The following PDXDC1 variants were observed in gnomAD, a reference collection of about 807,000 sequenced individuals.
PDXDC1 encodes the protein pyridoxal-dependent decarboxylase domain-containing protein 1.
In PDXDC1, 42 loss-of-function variants were observed where a neutral mutation model predicts 100.1. The observed-to-expected ratio is 0.42, with a 90% CI of 0.33 to 0.54. The LOEUF is 0.54. Ranked by LOEUF, PDXDC1 falls within the 20% of genes least tolerant of loss-of-function variation. The pLI, the probability that PDXDC1 is intolerant of heterozygous loss-of-function variation, is 0.10. For synonymous variants in PDXDC1, 260 were observed against 371.7 expected (o/e 0.70, Z 3.46); for missense variants, 636 against 979.2 (o/e 0.65, Z 4.68).
intron 8 of PDXDC1, among the ~76,000 whole-genome samples, chr16:15,010,659 G>A (rs1282301515): frequency 2.0e-5 from 3 of 152,138 alleles, no homozygotes; most frequent in African/African-American, 7.2e-5. Flanking sequence ...AGTGCAATAA[G>A]GCAAAAAAAA....
chr16:14,980,467 C>G lies in PDXDC1; in HGVS notation c.21+5247C>G, dbSNP rs377651728. 1.1e-4 allele frequency among the ~76,000 whole-genome samples: 17 copies of G among 152,372 alleles called. No individual in the cohort carries two copies. In the East Asian group the frequency reaches 1.7e-3, roughly 16 times the overall value. ...AGATGGGATTATTTTTGTGCCACGCCCGGCTAATTTTTGTTTTTTTTATTT... is the reference window on the plus strand; with the variant it reads ...AGATGGGATTATTTTTGTGCCACGCGCGGCTAATTTTTGTTTTTTTTATTT... On this transcript the variant is annotated intron_variant, in intron 1 of 22. Coordinates refer to ENST00000396410, the MANE Select transcript of PDXDC1 (RefSeq NM_015027.4).
At chr16:15,038,421 T>C, downstream of PDXDC1, 2 of 623,810 alleles carry the variant, frequency 3.2e-6, no homozygotes, top group Non-Finnish European at 5.7e-6. Flanking sequence ...CCCCATTTGA[T>C]ATACAAGTTA....
chr16:15,093,210 G>A (rs948683860), intron 16 of PDXDC1, among the ~76,000 whole-genome samples: 1 of 152,094 alleles, frequency 6.6e-6, no homozygotes, highest in African/African-American at 2.4e-5. Flanking sequence ...TCGCACGTTG[G>A]CCAGGCTGGT....
downstream of PDXDC1, among the ~76,000 whole-genome samples, chr16:15,144,028 T>TCGG (rs893689606): frequency 3.3e-5 from 5 of 152,064 alleles, no homozygotes; most frequent in African/African-American, 1.2e-4. Context: ...CGCTCCTCCC[T>TCGG]CGGCAGGGGC....
chr16:15,111,002 G>A (rs550734093), intron 16 of PDXDC1, among the ~76,000 whole-genome samples: 9 of 148,262 alleles, frequency 6.1e-5, no homozygotes, highest in South Asian at 2.2e-4. Context: ...GGCAGTGGGC[G>A]CCTGTAATCC....
intron 3 of PDXDC1, among the ~76,000 whole-genome samples, chr16:14,999,307 T>G (rs1429688437): frequency 6.6e-6 from 1 of 152,264 alleles, no homozygotes; most frequent in Non-Finnish European, 1.5e-5. Flanking sequence ...CCTCAGGTGA[T>G]CCGCCTGCCT....
downstream of PDXDC1, among the ~76,000 whole-genome samples, chr16:15,039,202 A>G (rs1239664160): frequency 6.6e-6 from 1 of 152,238 alleles, no homozygotes; most frequent in East Asian, 1.9e-4. Context: ...CTTACCTAGC[A>G]ATATTCACTT....
intron 16 of PDXDC1, chr16:15,068,083 T>C (rs2045053982): frequency 9.6e-6 from 14 of 1,465,930 alleles, no homozygotes; most frequent in South Asian, 7.5e-5. Context: ...ACTAATTTCA[T>C]AGAAATTTAA....
intron 16 of PDXDC1, among the ~76,000 whole-genome samples, chr16:15,085,030 T>C (rs533946938): frequency 6.6e-6 from 1 of 152,190 alleles, no homozygotes; most frequent in South Asian, 2.1e-4. Context: ...CACACCACTA[T>C]ACTCCAGCCT....
intron 16 of PDXDC1, chr16:15,083,674 T>C (rs1423881255): frequency 6.4e-7 from 1 of 1,557,070 alleles, no homozygotes. Flanking sequence ...CAAATATTGA[T>C]AGACATAGGA....
At chr16:14,991,551 G>C (rs1305797113) in intron 1 of PDXDC1, among the ~76,000 whole-genome samples, 38 of 146,500 alleles carry the variant, frequency 2.6e-4, no homozygotes, top group African/African-American at 9.5e-4. Context: ...TTTGGTGACA[G>C]GTTGTTGCTC....
intron 16 of PDXDC1, among the ~76,000 whole-genome samples, chr16:15,099,514 G>A: frequency 6.7e-6 from 1 of 148,310 alleles, no homozygotes; most frequent in Non-Finnish European, 1.5e-5. Context: ...TCCGTTCTTT[G>A]TGGAGCCTCT....
chr16:15,037,826 GTAAACCAAAAAA>G lies in PDXDC1; in HGVS notation c.*1555_*1566del. On this transcript the variant is annotated 3_prime_UTR_variant, in exon 23 of 23. Transcript: ENST00000396410. The stretch of plus-strand genomic sequence containing the variant: ...AAAAAAACTGGACATCAATTTTTTA[GTAAACCAAAAAA>G]TAAGTCTCAACAAATGCCTTTGCCA... The G allele has an allele frequency of 2.1e-6, 1 of 467,866 alleles. No homozygotes were observed. The allele number at this position is 467,866 out of a possible 1,614,324, so 29.0% of individuals were successfully genotyped here. A position where few individuals can be genotyped will look rare whatever the true frequency, so the allele number is the denominator to read the frequency against.
At chr16:15,143,458 T>A (rs2048506036), downstream of PDXDC1, among the ~76,000 whole-genome samples, 1 of 152,200 alleles carries the variant, frequency 6.6e-6, no homozygotes. Context: ...GCAGCGGGTC[T>A]GCCCGCCACC....
rs1414279216 is a variant in PDXDC1, at chr16:15,122,154, A to G, written c.1400-16725A>G. 2.0e-5 allele frequency among the ~76,000 whole-genome samples: 3 copies of G among 152,118 alleles called. No individual in the cohort carries two copies. The East Asian group carries it at 5.8e-4, about 30-fold the overall frequency. On this transcript the variant is annotated intron_variant, in intron 16 of 16. Coordinates refer to the PDXDC1 transcript ENST00000535621. ...ACTCCAGCCTGGGCGACAGAGTGAG[A>G]CTCTGTCTAAAAAACAAACAAACAA...
At chr16:15,127,556 T>C (rs1385609845) in intron 16 of PDXDC1, 2 of 1,294,374 alleles carry the variant, frequency 1.5e-6, no homozygotes, top group Non-Finnish European at 2.2e-6. Flanking sequence ...ACAGCGACTG[T>C]GTCGACGCTC....
In PDXDC1 at chr16:15,004,637, G is replaced by A. The variant is rs374447505; in HGVS notation, c.389+304G>A. On this transcript the variant is annotated intron_variant, in intron 5 of 22. Transcript: ENST00000396410. Reference sequence around the variant, plus strand: ...GTGGGGTATCTAATTGGCACATGTCGGTAGAAGATAGAGCAATGATCTGGA... The same window carrying A: ...GTGGGGTATCTAATTGGCACATGTCAGTAGAAGATAGAGCAATGATCTGGA... Among the ~76,000 whole-genome samples the A allele has an allele frequency of 2.0e-4, 31 of 152,362 alleles. 1 individual carries two copies. In the East Asian group the frequency reaches 4.1e-3, roughly 20 times the overall value.
intron 16 of PDXDC1, among the ~76,000 whole-genome samples, chr16:15,097,684 C>T (rs1270451742): frequency 6.6e-6 from 1 of 151,450 alleles, no homozygotes; most frequent in Non-Finnish European, 1.5e-5. Context: ...GTGAACATAT[C>T]GCCCAATTTA....
At chr16:15,025,851 G>A (rs2042557388) in intron 13 of PDXDC1, 1 of 152,500 alleles carries the variant, frequency 6.6e-6, no homozygotes, top group Non-Finnish European at 1.5e-5. Flanking sequence ...AGGGTATACT[G>A]TTTGATGCAA....
Sources: allele counts gnomAD v4.1 joint callset (sites outside exome capture counted in the v4.1 genomes callset), GRCh38; gene constraint gnomAD v4.1.1; transcripts MANE v1.5; gene names NCBI Gene and HGNC (gene_info 2026-07-23, HGNC 2026-07-21).